AGAP1: variants seen among roughly 807,000 people sequenced by gnomAD.
AGAP1 encodes ArfGAP with GTPase domain, ankyrin repeat and PH domain 1, also known as arf-GAP with GTPase, ANK repeat and PH domain-containing protein 1.
In AGAP1, 29 loss-of-function variants were observed where a neutral mutation model predicts 105.3. That is an observed-to-expected ratio of 0.28 (90% CI 0.21 to 0.38). The LOEUF (loss-of-function observed/expected upper bound fraction) is 0.38. Ranked by LOEUF, AGAP1 falls within the 10% of genes least tolerant of loss-of-function variation. The probability of loss-of-function intolerance (pLI) is 1.00; values close to 1 mark genes in which losing one functional copy is unlikely to be tolerated. For synonymous variants in AGAP1, 509 were observed against 485.9 expected, an observed-to-expected ratio of 1.05 and a Z score of -0.63; for missense variants, 998 against 1,165.1, an observed-to-expected ratio of 0.86 and a Z score of 2.09.
At chr2:235,632,050 T>C (rs2149289580) in intron 1 of AGAP1, among the ~76,000 whole-genome samples, 2 of 152,284 alleles carry the variant, frequency 1.3e-5, no homozygotes, top group South Asian at 2.1e-4. Context: ...CCTGGAGATT[T>C]TGTTAAGGGG....
intron 6 of AGAP1, among the ~76,000 whole-genome samples, chr2:235,783,779 A>G (rs537396969): frequency 2.0e-5 from 3 of 152,278 alleles, no homozygotes; most frequent in African/African-American, 7.2e-5. Flanking sequence ...GGATATTTTC[A>G]TCGTGGCTTG....
At chr2:235,949,464 G>A (rs1433431375) in intron 12 of AGAP1, among the ~76,000 whole-genome samples, 1 of 152,080 alleles carries the variant, frequency 6.6e-6, no homozygotes, top group African/African-American at 2.4e-5. Flanking sequence ...TCCTGATTAT[G>A]CCACCTCTCC....
chr2:235,898,473 C>T (rs1274239725), intron 10 of AGAP1, among the ~76,000 whole-genome samples: 2 of 48,140 alleles, frequency 4.2e-5, no homozygotes, highest in South Asian at 4.8e-3. Context: ...AGGACAGGTT[C>T]CCCCCCCCAC....
chr2:235,740,981 AGATTGTCGTT>A lies in AGAP1; in HGVS notation c.333_342del (p.Ile111MetfsTer8). ...GTGGCAGGTGGCAGGTTCAAGAAAG[AGATTGTCGTT>A]GATGGACAGAGCTATCTGCTGCTGA... is the stretch of plus-strand genomic sequence containing the variant. On this transcript the variant is annotated frameshift_variant, in exon 4 of 18. Transcript: ENST00000304032. LOFTEE classifies it high-confidence loss of function. This position sits in a 1 kb window ranked among gnomAD's most constrained non-coding sequence, Gnocchi z 5.7. 1 of 1,614,192 alleles carries A rather than the reference AGATTGTCGTT, an allele frequency of 6.2e-7. No individual in the cohort carries two copies. The highest frequency in any genetic ancestry group is 8.5e-7 in the Non-Finnish European group (1 of 1,180,028).
intron 1 of AGAP1, among the ~76,000 whole-genome samples, chr2:235,504,611 G>A: frequency 6.6e-6 from 1 of 152,192 alleles, no homozygotes; most frequent in Non-Finnish European, 1.5e-5. Flanking sequence ...TGCCCATATG[G>A]CCTCATTTCT....
In AGAP1 at chr2:235,683,304, TCAAA is replaced by T. The variant is rs147341632; in HGVS notation, c.164-25871_164-25868del. On this transcript the variant is annotated intron_variant, in intron 1 of 17. Coordinates refer to ENST00000304032, the MANE Select transcript of AGAP1 (RefSeq NM_001037131.3). ...CTGGGCAACAGAGTGAGACTCCATC[TCAAA>T]CAACAACAAAAAAGACAGAATTGGT... Among the ~76,000 whole-genome samples the T allele has an allele frequency of 2.3e-3, 343 of 152,224 alleles. 4 individuals carry two copies. The highest frequency in any genetic ancestry group is 7.8e-3 in the African/African-American group (322 of 41,532).
Position 235,992,582 on chromosome 2 carries a change from T to C in AGAP1, c.1645+23959T>C, listed in dbSNP as rs528643853. Reference sequence around the variant, plus strand: ...ACCTAAGAAAGGCTCGGGGACACTGTTGTGTTCTGATGTAAGAGATCACTT... The same window carrying C: ...ACCTAAGAAAGGCTCGGGGACACTGCTGTGTTCTGATGTAAGAGATCACTT... On this transcript the variant is annotated intron_variant, in intron 13 of 17. Coordinates refer to ENST00000304032, the MANE Select transcript of AGAP1 (RefSeq NM_001037131.3). This position sits in a 1 kb window ranked among gnomAD's most constrained non-coding sequence, Gnocchi z 4.8. 6.6e-6 allele frequency among the ~76,000 whole-genome samples: 1 copy of C among 152,384 alleles called. No homozygotes were observed. The highest frequency in any genetic ancestry group is 6.5e-5 in the Admixed American group (1 of 15,308).
At chr2:235,524,135 A>G (rs2149057361) in intron 1 of AGAP1, among the ~76,000 whole-genome samples, 1 of 152,284 alleles carries the variant, frequency 6.6e-6, no homozygotes, top group South Asian at 2.1e-4. Flanking sequence ...GCTGATGTGT[A>G]TTCTTACCAC....
At chr2:235,868,118 T>TGAA (rs2049269421) in intron 9 of AGAP1, among the ~76,000 whole-genome samples, 2 of 151,988 alleles carry the variant, frequency 1.3e-5, no homozygotes, top group Admixed American at 6.6e-5. Context: ...CAAAGTGTAA[T>TGAA]GAATGCAAAT....
At chr2:235,764,469 C>G (rs909953930) in intron 6 of AGAP1, among the ~76,000 whole-genome samples, 2 of 152,214 alleles carry the variant, frequency 1.3e-5, no homozygotes, top group East Asian at 1.9e-4. Flanking sequence ...AAGCACATCC[C>G]CCCCACTTTG....
Position 236,096,328 on chromosome 2 carries a change from C to T in AGAP1, c.2115-23864C>T, listed in dbSNP as rs1347395636. Among the ~76,000 whole-genome samples, 1 of 151,962 alleles carries T rather than the reference C, an allele frequency of 6.6e-6. No homozygotes were observed. The highest frequency in any genetic ancestry group is 6.5e-5 in the Admixed American group (1 of 15,270). On this transcript the variant is annotated intron_variant, in intron 16 of 17. Transcript: ENST00000304032. This position sits in a 1 kb window ranked among gnomAD's most constrained non-coding sequence, Gnocchi z 4.4. The stretch of plus-strand genomic sequence containing the variant: ...CAGCCTGGCCAACATAGTGAAACAC[C>T]CATCTCTACTAAAAATACAAAAATT...
chr2:235,634,597 A>G (rs1438198676), intron 1 of AGAP1, among the ~76,000 whole-genome samples: 2 of 152,200 alleles, frequency 1.3e-5, no homozygotes, highest in Non-Finnish European at 2.9e-5. Flanking sequence ...AGACACTGCG[A>G]ATCATCAGAG....
At chr2:236,075,866 T>G (rs891044996) in intron 16 of AGAP1, among the ~76,000 whole-genome samples, 1 of 152,192 alleles carries the variant, frequency 6.6e-6, no homozygotes. Flanking sequence ...TGAAATTTAT[T>G]TGGAGAAGGC....
chr2:235,863,034 G>A (rs2048998273), intron 9 of AGAP1, among the ~76,000 whole-genome samples: 1 of 152,174 alleles, frequency 6.6e-6, no homozygotes, highest in Non-Finnish European at 1.5e-5. Context: ...ATATTACCTT[G>A]CCCAATTACT....
chr2:236,099,110 G>GA (rs1012589025), intron 16 of AGAP1, among the ~76,000 whole-genome samples: 4 of 152,158 alleles, frequency 2.6e-5, no homozygotes, highest in Admixed American at 1.3e-4. Context: ...GTGGGCCGGG[G>GA]GGACTTCCCA....
At chr2:235,508,087 T>A (rs1439820167) in intron 1 of AGAP1, among the ~76,000 whole-genome samples, 1 of 152,174 alleles carries the variant, frequency 6.6e-6, no homozygotes, top group Admixed American at 6.5e-5. Context: ...TCCAGCTCCA[T>A]CCATTTTGCT....
At chr2:235,496,289 C>T (rs751708421) in intron 1 of AGAP1, among the ~76,000 whole-genome samples, 1 of 152,168 alleles carries the variant, frequency 6.6e-6, no homozygotes, top group African/African-American at 2.4e-5. Flanking sequence ...TTGTGTGTAT[C>T]TGTCTCCCAT....
In AGAP1 at chr2:235,712,314, G is replaced by A. The variant is rs539775507; in HGVS notation, c.222+3077G>A. Among the ~76,000 whole-genome samples the A allele has an allele frequency of 2.2e-4, 33 of 152,234 alleles. No individual in the cohort carries two copies. Among genetic ancestry groups the A allele is most frequent in the Admixed American group, 2.0e-3 (31 of 15,288 alleles). On this transcript the variant is annotated intron_variant, in intron 2 of 17. Coordinates refer to ENST00000304032, the MANE Select transcript of AGAP1 (RefSeq NM_001037131.3). The surrounding 1 kb of genome is among the most constrained non-coding windows in gnomAD (Gnocchi z 6.0). ...ATGACAGGCCTGAGCCACTGCGCCC[G>A]GCCTGATGTTTTCTGAAGTTGTGCT...
intron 16 of AGAP1, among the ~76,000 whole-genome samples, chr2:236,107,684 G>A (rs2059534342): frequency 6.6e-6 from 1 of 152,114 alleles, no homozygotes; most frequent in Admixed American, 6.6e-5. Context: ...ATCCCTTCTG[G>A]AACAACACAG....
Sources: gnomAD v4.1 joint callset for allele counts (sites outside exome capture counted in the v4.1 genomes callset) on GRCh38, gnomAD v4.1.1 for gene constraint, Gnocchi (gnomAD v3.1) non-coding constraint, MANE v1.5 for transcripts, NCBI Gene and HGNC (gene_info 2026-07-23, HGNC 2026-07-21) for gene names.